GRIP1: variants seen among roughly 807,000 people sequenced by gnomAD.
GRIP1 encodes glutamate receptor interacting protein 1.
In GRIP1, 45 loss-of-function variants were observed where a neutral mutation model predicts 129.9. The ratio of observed to expected loss-of-function variants is 0.35; its 90% CI spans 0.27 to 0.44. GRIP1 has a LOEUF of 0.44. Ranked by LOEUF, GRIP1 falls within the 20% of genes least tolerant of loss-of-function variation. The pLI, the probability that GRIP1 is intolerant of heterozygous loss-of-function variation, is 1.00. For missense variants in GRIP1, 1,196 were observed against 1,396.8 expected (o/e 0.86, Z 2.29); for synonymous variants, 530 against 520.8 (o/e 1.02, Z -0.24).
At chr12:66,984,328 T>G (rs2042279953) in intron 1 of GRIP1, among the ~76,000 whole-genome samples, 1 of 152,224 alleles carries the variant, frequency 6.6e-6, no homozygotes, top group South Asian at 2.1e-4. Flanking sequence ...AAAGCCATGC[T>G]GTACAGCCTG....
chr12:66,508,028 G>T (rs1404895369), intron 7 of GRIP1, among the ~76,000 whole-genome samples: 1 of 152,158 alleles, frequency 6.6e-6, no homozygotes, highest in African/African-American at 2.4e-5. Context: ...AAAAAGAAAG[G>T]TTTGAAGCTG....
At chr12:66,763,628 T>C (rs117391659) in intron 1 of GRIP1, among the ~76,000 whole-genome samples, 5,238 of 152,166 alleles carry the variant, frequency 0.034, 107 homozygotes, top group Middle Eastern at 0.068. Context: ...CATGACAACA[T>C]AATAAAGCCA....
chr12:66,885,583 C>T (rs1210178830), intron 1 of GRIP1, among the ~76,000 whole-genome samples: 2 of 152,150 alleles, frequency 1.3e-5, no homozygotes, highest in African/African-American at 4.8e-5. Flanking sequence ...TCACAGATCA[C>T]AGATCACGGA....
chr12:66,507,267 T>A (rs2060556523), intron 7 of GRIP1, among the ~76,000 whole-genome samples: 1 of 151,968 alleles, frequency 6.6e-6, no homozygotes, highest in Non-Finnish European at 1.5e-5. Flanking sequence ...TGAAACCCTG[T>A]CTCTACTAAA....
upstream of GRIP1, chr12:66,679,182 A>G (rs895274293): frequency 7.5e-6 from 10 of 1,330,412 alleles, 1 homozygote; most frequent in African/African-American, 1.5e-4. Context: ...GATAGCAACA[A>G]AGCACCAAAT....
chr12:66,645,123 A>C (rs1293631353), intron 1 of GRIP1, among the ~76,000 whole-genome samples: 1 of 152,206 alleles, frequency 6.6e-6, no homozygotes, highest in Non-Finnish European at 1.5e-5. Flanking sequence ...TACAAATAAC[A>C]ATTTTTAAAT....
At chr12:66,809,020 T>C (rs1592866273), upstream of GRIP1, among the ~76,000 whole-genome samples, 1 of 152,256 alleles carries the variant, frequency 6.6e-6, no homozygotes. Context: ...ATATTAAATT[T>C]ATTAGAAAAA....
intron 1 of GRIP1, among the ~76,000 whole-genome samples, chr12:67,052,451 A>G (rs1035022582): frequency 6.6e-6 from 1 of 152,146 alleles, no homozygotes; most frequent in African/African-American, 2.4e-5. Context: ...AGGTATTTTT[A>G]CAGGTAGTCT....
intron 11 of GRIP1, among the ~76,000 whole-genome samples, chr12:66,450,059 G>C (rs1041021335): frequency 6.6e-6 from 1 of 151,956 alleles, no homozygotes; most frequent in Non-Finnish European, 1.5e-5. Context: ...CCAGCACTTT[G>C]GGAGGCCGAG....
rs534565780 is a variant in GRIP1, at chr12:66,696,551, C to T, written c.-419-66215G>A. Reference sequence around the variant, plus strand: ...TCTGTAATCCCAGCACTTTGGGAGGCCGAGGCGGGCGGATCACAAGGTCAG... The same window carrying T: ...TCTGTAATCCCAGCACTTTGGGAGGTCGAGGCGGGCGGATCACAAGGTCAG... On this transcript the variant is annotated intron_variant, in intron 1 of 4. Transcript: ENST00000538373. 3.3e-5 allele frequency among the ~76,000 whole-genome samples: 5 copies of T among 151,982 alleles called. No homozygotes were observed. The East Asian group carries it at 9.7e-4, about 29-fold the overall frequency.
chr12:66,539,956 G>C (rs893458341), intron 3 of GRIP1, among the ~76,000 whole-genome samples: 2 of 152,104 alleles, frequency 1.3e-5, no homozygotes, highest in African/African-American at 4.8e-5. Context: ...CACTGATAAG[G>C]ACCTTCAATA....
chr12:67,049,954 T>C (rs1204443282), intron 1 of GRIP1, among the ~76,000 whole-genome samples: 1 of 150,688 alleles, frequency 6.6e-6, no homozygotes, highest in Non-Finnish European at 1.5e-5. Context: ...TTTGCATTTT[T>C]TGCGTATTTG....
intron 19 of GRIP1, among the ~76,000 whole-genome samples, chr12:66,391,587 C>T (rs1229690993): frequency 6.6e-6 from 1 of 152,178 alleles, no homozygotes; most frequent in Admixed American, 6.5e-5. Flanking sequence ...CATGGTGGCT[C>T]ATGCCTATTA....
chr12:66,843,107 G>T (rs1566047725), intron 1 of GRIP1, among the ~76,000 whole-genome samples: 1 of 151,920 alleles, frequency 6.6e-6, no homozygotes, highest in Non-Finnish European at 1.5e-5. Context: ...ATAGCAAAAA[G>T]ACTGAAGATC....
intron 2 of GRIP1, among the ~76,000 whole-genome samples, chr12:66,592,544 C>T (rs543259844): frequency 6.6e-6 from 1 of 152,292 alleles, no homozygotes; most frequent in South Asian, 2.1e-4. Flanking sequence ...TTGACATCTT[C>T]CTGCATTTGT....
At chr12:66,530,037 A>G in intron 4 of GRIP1, 123 bp from the exon 5 acceptor site, 1 of 680,870 alleles carries the variant, frequency 1.5e-6, no homozygotes, top group Non-Finnish European at 2.6e-6. Context: ...AATAAGCAAC[A>G]ATTCCTTTTC....
At chr12:66,954,417 G>C (rs926409926) in intron 1 of GRIP1, among the ~76,000 whole-genome samples, 1 of 152,120 alleles carries the variant, frequency 6.6e-6, no homozygotes, top group Non-Finnish European at 1.5e-5. Context: ...AGCCACTTAG[G>C]ACTAGATCCC....
At chr12:66,907,025 A>G (rs2040944847) in intron 1 of GRIP1, among the ~76,000 whole-genome samples, 1 of 152,162 alleles carries the variant, frequency 6.6e-6, no homozygotes, top group South Asian at 2.1e-4. Context: ...CAGTTTTTCT[A>G]CTATGGTCCT....
At chr12:66,458,136 T>C (rs973165781) in intron 9 of GRIP1, among the ~76,000 whole-genome samples, 1 of 152,212 alleles carries the variant, frequency 6.6e-6, no homozygotes, top group South Asian at 2.1e-4. Flanking sequence ...GAAACTTTCA[T>C]AGCCACTATA....
Sources: allele counts gnomAD v4.1 joint callset (sites outside exome capture counted in the v4.1 genomes callset), GRCh38; gene constraint gnomAD v4.1.1; transcripts MANE v1.5; gene names NCBI Gene and HGNC (gene_info 2026-07-23, HGNC 2026-07-21).